The following DNAJC16 variants were observed in gnomAD, a reference collection of about 807,000 sequenced individuals.
DNAJC16 encodes the protein dnaJ homolog subfamily C member 16.
In DNAJC16, 76 loss-of-function variants were observed where a neutral mutation model predicts 92.7. The observed-to-expected ratio is 0.82, with a 90% CI of 0.68 to 0.99. DNAJC16 has a LOEUF of 0.99. DNAJC16 is among the 50% of genes least tolerant of loss of function. DNAJC16 has a pLI of 0.00. For synonymous variants in DNAJC16, 328 were observed against 358.7 expected (o/e 0.91, Z 0.97); for missense variants, 869 against 942.4 (o/e 0.92, Z 1.02).
chr1:15,566,411 G>C, intron 13 of DNAJC16: 2 of 523,248 alleles, frequency 3.8e-6, no homozygotes, highest in Non-Finnish European at 6.8e-6. Flanking sequence ...AGCCTATCAG[G>C]CAAGTGTTAG....
chr1:15,564,626 T>G (rs984248987), intron 11 of DNAJC16, among the ~76,000 whole-genome samples: 1 of 151,814 alleles, frequency 6.6e-6, no homozygotes, highest in African/African-American at 2.4e-5. Flanking sequence ...CCTCCCAGGT[T>G]CAAGCAATTC....
chr1:15,567,556 G>A (rs1403599618), intron 14 of DNAJC16, among the ~76,000 whole-genome samples: 1 of 152,174 alleles, frequency 6.6e-6, no homozygotes, highest in African/African-American at 2.4e-5. Flanking sequence ...GAAGAGCAAT[G>A]TTAAGTTCCA....
At chr1:15,531,669 T>C (rs575060566) in intron 2 of DNAJC16, among the ~76,000 whole-genome samples, 15 of 152,248 alleles carry the variant, frequency 9.9e-5, no homozygotes, top group Admixed American at 5.2e-4. Context: ...AAATGAGTCA[T>C]ATTCTTCTCT....
At chr1:15,566,934 A>G in intron 13 of DNAJC16, 165 bp from the exon 14 acceptor site, 1 of 570,878 alleles carries the variant, frequency 1.8e-6, no homozygotes, top group South Asian at 2.7e-5. Flanking sequence ...GTCAGGGATT[A>G]CCAAGTCAGG....
At chr1:15,536,325 C>A in intron 3 of DNAJC16, 150 bp from the exon 4 acceptor site, 1 of 604,460 alleles carries the variant, frequency 1.7e-6, no homozygotes. Flanking sequence ...AGTGATCCAC[C>A]CGCCTCAGCC....
intron 7 of DNAJC16, among the ~76,000 whole-genome samples, chr1:15,553,134 G>A (rs1221124946): frequency 6.6e-6 from 1 of 151,320 alleles, no homozygotes; most frequent in African/African-American, 2.4e-5. Flanking sequence ...GATTTGTAGG[G>A]GTTATTTATA....
chr1:15,549,961 G>C (rs1288096406), intron 7 of DNAJC16, among the ~76,000 whole-genome samples: 1 of 152,046 alleles, frequency 6.6e-6, no homozygotes, highest in Non-Finnish European at 1.5e-5. Flanking sequence ...CTTTATCATA[G>C]GTATGTGTAT....
intron 9 of DNAJC16, among the ~76,000 whole-genome samples, chr1:15,563,522 T>A (rs1638737112): frequency 7.4e-6 from 1 of 135,954 alleles, no homozygotes; most frequent in Non-Finnish European, 1.6e-5. Flanking sequence ...AGGGCGAAAC[T>A]CTGTCTCAAA....
chr1:15,536,919 C>T (rs143627907), intron 4 of DNAJC16, 105 bp downstream of exon 4: 11 of 967,324 alleles, frequency 1.1e-5, no homozygotes, highest in South Asian at 5.7e-5. Flanking sequence ...GGTGTGATCT[C>T]GGCTCACTGC....
intron 8 of DNAJC16, among the ~76,000 whole-genome samples, chr1:15,560,603 A>G (rs746369919): frequency 1.5e-3 from 221 of 152,294 alleles, no homozygotes; most frequent in Non-Finnish European, 2.6e-3. Flanking sequence ...CATATCAATC[A>G]TGTAACTTGA....
rs148087528 is a variant in DNAJC16 at position 15,549,194 on chromosome 1, C to T, written c.1023+766C>T. ...ATGGAAACCAGATGGGAAAGTGGAC[C>T]GTAAAGAAAGAAGAGCAGGTTTAGA... is the stretch of plus-strand genomic sequence containing the variant. On this transcript the variant is annotated intron_variant, in intron 7 of 14. Coordinates refer to ENST00000375847, the MANE Select transcript of DNAJC16 (RefSeq NM_015291.4). 1.2e-4 allele frequency among the ~76,000 whole-genome samples: 18 copies of T among 152,074 alleles called. No individual in the cohort carries two copies. In the East Asian group the frequency reaches 2.9e-3, roughly 24 times the overall value.
chr1:15,564,079 G>A lies in DNAJC16; in HGVS notation c.1489G>A (p.Val497Met). 1 of 1,614,212 alleles carries A rather than the reference G, an allele frequency of 6.2e-7. No individual in the cohort carries two copies. Among genetic ancestry groups the A allele is most frequent in the East Asian group, 2.2e-5 (1 of 44,884 alleles). Residue 497 changes from valine to methionine, a missense_variant, in exon 10 of 15, where the codon GTG becomes ATG. Transcript: ENST00000375847. ...KDPALLSSEAVLPDLTDELAP... is the reference protein window; with the variant it reads ...KDPALLSSEAMLPDLTDELAP... ...TCCAGCTCTTCTGTCCTCTGAAGCA[G>A]TGCTTCCTGACCTGACCGATGAACT...
Position 15,526,897 on chromosome 1 carries a change from C to G in DNAJC16, c.-80C>G, listed in dbSNP as rs1333731257. The G allele has an allele frequency of 6.6e-6, 1 of 152,390 alleles. No homozygotes were observed. The allele number at this position is 152,390 out of a possible 1,614,324, so 9.4% of individuals were successfully genotyped here. On this transcript the variant is annotated 5_prime_UTR_variant, in exon 1 of 15. Coordinates refer to ENST00000375847, the MANE Select transcript of DNAJC16 (RefSeq NM_015291.4). ...CGAGCGCTGGTGTGGACGGGAAGCTCCCGGCCCGGCGAACTAACTGGAGCA... is the reference window on the plus strand; with the variant it reads ...CGAGCGCTGGTGTGGACGGGAAGCTGCCGGCCCGGCGAACTAACTGGAGCA...
At chr1:15,564,740 G>A (rs1305425676) in intron 11 of DNAJC16, among the ~76,000 whole-genome samples, 5 of 151,738 alleles carry the variant, frequency 3.3e-5, no homozygotes, top group African/African-American at 1.2e-4. Context: ...TGTTGGTCAG[G>A]CTGGTCTCAA....
chr1:15,562,347 C>A, intron 9 of DNAJC16, 22 bp downstream of exon 9: 2 of 1,598,398 alleles, frequency 1.3e-6, no homozygotes, highest in Non-Finnish European at 1.7e-6. Context: ...AGTCTCTCCT[C>A]ATCCCAGGCT....
intron 7 of DNAJC16, among the ~76,000 whole-genome samples, chr1:15,555,680 T>C (rs1234507425): frequency 2.1e-5 from 2 of 95,466 alleles, no homozygotes; most frequent in Non-Finnish European, 2.0e-5. Flanking sequence ...AGACTCCGTC[T>C]CAAAAAAAAA....
rs762945882 is a variant in DNAJC16, at chr1:15,567,807, G to C, written c.1979G>C (p.Ser660Thr). ...AGCTGCCTACACTTCTCCTTCCTGA[G>C]TCTAGATAAACACAGAGAATGGCTA... ...GSSCLHFSFL[S>T]LDKHREWLEY... The change falls in exon 15 of 15, where the codon AGT (serine) becomes ACT (threonine). Residue 660 changes from serine to threonine, a missense_variant. Transcript: ENST00000375847. 9.9e-6 allele frequency: 16 copies of C among 1,613,940 alleles called. No individual in the cohort carries two copies. The African/African-American group carries it at 1.9e-4, about 19-fold the overall frequency.
At chr1:15,560,977 C>T (rs1278697564) in intron 8 of DNAJC16, among the ~76,000 whole-genome samples, 2 of 152,278 alleles carry the variant, frequency 1.3e-5, no homozygotes, top group East Asian at 3.9e-4. Context: ...CTTGTAGTCT[C>T]TCTACCTGGG....
At chr1:15,552,770 AT>A (rs1275264353) in intron 7 of DNAJC16, among the ~76,000 whole-genome samples, 94 of 140,396 alleles carry the variant, frequency 6.7e-4, no homozygotes, top group South Asian at 6.1e-3. Flanking sequence ...ATTATTATTT[AT>A]TTTTTTTTTT....
Sources: allele counts gnomAD v4.1 joint callset (sites outside exome capture counted in the v4.1 genomes callset), GRCh38; gene constraint gnomAD v4.1.1; transcripts MANE v1.5; gene names NCBI Gene and HGNC (gene_info 2026-07-23, HGNC 2026-07-21).